MAGI2: variants seen among roughly 807,000 people sequenced by gnomAD.
The protein encoded by MAGI2 is membrane associated guanylate kinase, WW and PDZ domain containing 2, also known as membrane-associated guanylate kinase, WW and PDZ domain-containing protein 2.
A neutral mutation model predicts 133.3 loss-of-function variants in MAGI2; 35 were observed. The observed-to-expected ratio is 0.26, with a 90% CI of 0.20 to 0.35. The LOEUF (loss-of-function observed/expected upper bound fraction) is 0.35, where lower values mean the gene tolerates loss of function less well. Among genes scored for constraint, MAGI2 ranks in the 10% least tolerant of loss-of-function variants. MAGI2 has a pLI of 1.00. For missense variants in MAGI2, 1,636 were observed against 1,863.4 expected, an observed-to-expected ratio of 0.88 and a Z score of 2.25; for synonymous variants, 729 against 710.6, an observed-to-expected ratio of 1.03 and a Z score of -0.41.
At chr7:78,245,102 A>G (rs1195701612) in intron 10 of MAGI2, among the ~76,000 whole-genome samples, 2 of 152,218 alleles carry the variant, frequency 1.3e-5, no homozygotes, top group African/African-American at 4.8e-5. Flanking sequence ...TGTTATTTGT[A>G]GGTGGTACGC....
rs181524425 is a variant in MAGI2, at chr7:78,544,459, T to C, written c.539-22814A>G. On this transcript the variant is annotated intron_variant, in intron 3 of 21. Transcript: ENST00000354212. Reference sequence around the variant, plus strand: ...GTGTTTGTTACTTAATAGTTTGTCATTTGTAAGGTGGGGATACAATTATAT... The same window carrying C: ...GTGTTTGTTACTTAATAGTTTGTCACTTGTAAGGTGGGGATACAATTATAT... Among the ~76,000 whole-genome samples the C allele has an allele frequency of 1.4e-3, 211 of 152,322 alleles. 3 individuals carry two copies. The highest frequency in any genetic ancestry group is 5.9e-5 in the Non-Finnish European group (4 of 68,018).
intron 1 of MAGI2, among the ~76,000 whole-genome samples, chr7:79,403,419 G>A (rs1364299346): frequency 1.3e-5 from 2 of 151,736 alleles, no homozygotes; most frequent in East Asian, 1.9e-4. Flanking sequence ...TAGACATCTT[G>A]GAAAACCTTT....
chr7:78,187,596 C>T (rs189242704), intron 12 of MAGI2, among the ~76,000 whole-genome samples: 1 of 152,242 alleles, frequency 6.6e-6, no homozygotes, highest in Admixed American at 6.5e-5. Context: ...AGCCAGTTGG[C>T]TCATGGAGAG....
Position 78,418,406 on chromosome 7 carries a change from G to A in MAGI2, c.1046-49193C>T, listed in dbSNP as rs1798491083. Among the ~76,000 whole-genome samples, 3 of 152,058 alleles carry A rather than the reference G, an allele frequency of 2.0e-5. No individual in the cohort carries two copies. The South Asian group carries it at 6.2e-4, about 32-fold the overall frequency. ...GGTGAACATAGCAGGAAAACTCAGG[G>A]CATTGATGCTCTCAGCTGAAAGGAG... On this transcript the variant is annotated intron_variant, in intron 6 of 21. Transcript: ENST00000354212.
At chr7:78,175,089 G>A (rs538454884) in intron 14 of MAGI2, among the ~76,000 whole-genome samples, 144 of 152,264 alleles carry the variant, frequency 9.5e-4, no homozygotes, top group African/African-American at 3.3e-3. Context: ...CATAAGTACA[G>A]CACTTTCTTG....
intron 9 of MAGI2, among the ~76,000 whole-genome samples, chr7:78,312,668 C>G (rs548910280): frequency 1.3e-5 from 2 of 151,964 alleles, no homozygotes; most frequent in Non-Finnish European, 2.9e-5. Flanking sequence ...ATGGAGAAAA[C>G]GAAATGCTTA....
chr7:78,747,635 C>T (rs1823050244), intron 2 of MAGI2, among the ~76,000 whole-genome samples: 1 of 152,178 alleles, frequency 6.6e-6, no homozygotes, highest in Non-Finnish European at 1.5e-5. Context: ...AGTCCACTCT[C>T]CTAGGAGCTG....
At chr7:79,136,111 A>T (rs1463137519) in intron 1 of MAGI2, among the ~76,000 whole-genome samples, 1 of 150,842 alleles carries the variant, frequency 6.6e-6, no homozygotes, top group Non-Finnish European at 1.5e-5. Flanking sequence ...GAAAGAAAGA[A>T]AGAAAGAAAG....
At chr7:78,829,887 A>G (rs1307867305) in intron 2 of MAGI2, among the ~76,000 whole-genome samples, 1 of 152,058 alleles carries the variant, frequency 6.6e-6, no homozygotes, top group Non-Finnish European at 1.5e-5. Context: ...ATGTTGTACG[A>G]CTCAACTAAA....
intron 21 of MAGI2, among the ~76,000 whole-genome samples, chr7:78,021,886 G>C (rs1398446720): frequency 6.6e-6 from 1 of 152,154 alleles, no homozygotes; most frequent in South Asian, 2.1e-4. Flanking sequence ...CACTTTCTAA[G>C]GGAAAGCACT....
At chr7:79,385,667 G>T (rs375517400) in intron 1 of MAGI2, among the ~76,000 whole-genome samples, 1 of 151,868 alleles carries the variant, frequency 6.6e-6, no homozygotes, top group East Asian at 1.9e-4. Flanking sequence ...GAGAATGAAA[G>T]AGTGGTTATC....
At chr7:78,519,694 T>C (rs1796336157) in intron 4 of MAGI2, among the ~76,000 whole-genome samples, 1 of 152,200 alleles carries the variant, frequency 6.6e-6, no homozygotes, top group African/African-American at 2.4e-5. Flanking sequence ...AACAAGTTTC[T>C]AGTTTAAAAG....
intron 2 of MAGI2, among the ~76,000 whole-genome samples, chr7:78,831,304 C>T (rs532464850): frequency 6.6e-6 from 1 of 152,242 alleles, no homozygotes; most frequent in Non-Finnish European, 1.5e-5. Context: ...ATATGAAATG[C>T]CTTACATTTT....
chr7:78,659,590 A>G (rs1263099512), intron 2 of MAGI2, among the ~76,000 whole-genome samples: 1 of 152,116 alleles, frequency 6.6e-6, no homozygotes, highest in Non-Finnish European at 1.5e-5. Context: ...ACATGAAAAA[A>G]TTATAGAAAT....
intron 3 of MAGI2, among the ~76,000 whole-genome samples, chr7:78,567,681 G>A (rs1397541135): frequency 2.6e-5 from 4 of 151,942 alleles, no homozygotes; most frequent in African/African-American, 9.7e-5. Context: ...TCTTTCCCCT[G>A]CATCGCCAGT....
At chr7:78,184,969 ATGTCTAAAT>A (rs1225517538) in intron 13 of MAGI2, among the ~76,000 whole-genome samples, 1 of 152,172 alleles carries the variant, frequency 6.6e-6, no homozygotes, top group Non-Finnish European at 1.5e-5. Flanking sequence ...TTCTTTGGAA[ATGTCTAAAT>A]TGCAAATCTC....
At chr7:78,493,372 T>C (rs1402918263) in intron 5 of MAGI2, among the ~76,000 whole-genome samples, 2 of 152,194 alleles carry the variant, frequency 1.3e-5, no homozygotes, top group Non-Finnish European at 2.9e-5. Flanking sequence ...CAGCACACCA[T>C]TGCAGAGTTA....
intron 1 of MAGI2, among the ~76,000 whole-genome samples, chr7:79,046,838 T>C (rs1812221473): frequency 6.6e-6 from 1 of 152,214 alleles, no homozygotes; most frequent in South Asian, 2.1e-4. Flanking sequence ...AGTTAAATAC[T>C]CTGAAGAAGA....
chr7:78,107,109 A>T (rs1366288385), intron 20 of MAGI2, among the ~76,000 whole-genome samples: 1 of 152,066 alleles, frequency 6.6e-6, no homozygotes, highest in East Asian at 1.9e-4. Flanking sequence ...TTTTGAACAG[A>T]CTGTCCTTTC....
Sources: gnomAD v4.1 joint callset for allele counts (sites outside exome capture counted in the v4.1 genomes callset) on GRCh38, gnomAD v4.1.1 for gene constraint, MANE v1.5 for transcripts, NCBI Gene and HGNC (gene_info 2026-07-23, HGNC 2026-07-21) for gene names.